Variants in MBNL2 observed in about 807,000 individuals in gnomAD.
The protein encoded by MBNL2 is muscleblind-like protein 2.
Under a neutral mutation model 41.9 loss-of-function variants are expected in MBNL2, and 17 were observed. The ratio of observed to expected loss-of-function variants is 0.41; its 90% CI spans 0.28 to 0.61. The LOEUF (loss-of-function observed/expected upper bound fraction) is 0.61, where lower values mean the gene tolerates loss of function less well. Among genes scored for constraint, MBNL2 ranks in the 20% least tolerant of loss-of-function variants. MBNL2 has a pLI of 0.35. For missense variants in MBNL2, 336 were observed against 505.6 expected (o/e 0.66, Z 3.22); for synonymous variants, 195 against 182.9 (o/e 1.07, Z -0.53).
chr13:97,344,048 C>T (rs1442025777), intron 4 of MBNL2, among the ~76,000 whole-genome samples: 5 of 152,190 alleles, frequency 3.3e-5, no homozygotes, highest in African/African-American at 4.8e-5. Context: ...TCAGGTGATC[C>T]GCCAGCCTCG....
rs965539237 is a variant in MBNL2 at position 97,346,148 on chromosome 13, TGGTA to T, written c.541-646_541-643del. ...CTGGCTGGATGGACGGATAGATAGATGGTAGGTAGGTAGATAGATGATAGATAAT... is the reference window on the plus strand; with the variant it reads ...CTGGCTGGATGGACGGATAGATAGATGGTAGGTAGATAGATGATAGATAAT... On this transcript the variant is annotated intron_variant, in intron 4 of 8. Coordinates refer to ENST00000679496, the MANE Select transcript of MBNL2 (RefSeq NM_001382683.1). This position sits in a 1 kb window ranked among gnomAD's most constrained non-coding sequence, Gnocchi z 4.2. Among the ~76,000 whole-genome samples, 5 of 151,882 alleles carry T rather than the reference TGGTA, an allele frequency of 3.3e-5. No homozygotes were observed. Among genetic ancestry groups the T allele is most frequent in the African/African-American group, 1.2e-4 (5 of 41,330 alleles).
chr13:97,166,876 C>G, the MBNL2 span, among the ~76,000 whole-genome samples: 1 of 140,604 alleles, frequency 7.1e-6, no homozygotes, highest in Non-Finnish European at 1.6e-5. Flanking sequence ...TTAGTTCTGT[C>G]CCTCTAGAGA....
At chr13:97,188,206 A>T in the MBNL2 span, among the ~76,000 whole-genome samples, 1 of 152,094 alleles carries the variant, frequency 6.6e-6, no homozygotes, top group Non-Finnish European at 1.5e-5. Flanking sequence ...AGGGGGTGTG[A>T]TCCCATCACC....
the MBNL2 span, among the ~76,000 whole-genome samples, chr13:97,156,373 T>C: frequency 6.8e-6 from 1 of 147,838 alleles, no homozygotes; most frequent in African/African-American, 2.5e-5. Flanking sequence ...GTAGTTTCTC[T>C]TGCTGTGCAG....
chr13:97,343,225 A>G lies in MBNL2; in HGVS notation c.540+9A>G. The G allele has an allele frequency of 6.3e-7, 1 of 1,582,058 alleles. No individual in the cohort carries two copies. Among genetic ancestry groups the G allele is most frequent in the Non-Finnish European group, 8.6e-7 (1 of 1,159,722 alleles). On this transcript the variant is annotated intron_variant, in intron 4 of 8. Transcript: ENST00000679496. Reference sequence around the variant, plus strand: ...GGACTGACAAACTGGAGGTACTTCAATTCTACTTGTGTTTTGACATGCATT... The same window carrying G: ...GGACTGACAAACTGGAGGTACTTCAGTTCTACTTGTGTTTTGACATGCATT...
upstream of MBNL2, among the ~76,000 whole-genome samples, chr13:97,218,440 C>CAAAACAAAAAAAA (rs55815508): frequency 8.5e-6 from 1 of 117,972 alleles, no homozygotes; most frequent in African/African-American, 3.4e-5. Flanking sequence ...CAAAACAAAA[C>CAAAACAAAAAAAA]AAAAAAAAAA....
the MBNL2 span, among the ~76,000 whole-genome samples, chr13:97,158,889 A>C: frequency 7.9e-5 from 12 of 151,226 alleles, no homozygotes; most frequent in Non-Finnish European, 1.3e-4. Flanking sequence ...TGGGGTGGAG[A>C]GTTCTGTAGA....
intron 1 of MBNL2, among the ~76,000 whole-genome samples, chr13:97,262,933 T>G (rs979819291): frequency 1.1e-4 from 17 of 151,986 alleles, no homozygotes; most frequent in African/African-American, 4.1e-4. Context: ...CAAGCTAATT[T>G]TTGCTTCTTT....
intron 2 of MBNL2, among the ~76,000 whole-genome samples, chr13:97,287,829 G>C (rs9516893): frequency 2.0e-5 from 3 of 146,574 alleles, no homozygotes; most frequent in Non-Finnish European, 3.0e-5. Context: ...GGGTTCAAGT[G>C]ATTCTCCTGC....
At chr13:97,237,743 T>C (rs2152802981) in intron 1 of MBNL2, among the ~76,000 whole-genome samples, 1 of 152,368 alleles carries the variant, frequency 6.6e-6, no homozygotes, top group East Asian at 1.9e-4. Context: ...TGCCACCCTA[T>C]GTATTTCAAA....
At chr13:97,224,913 A>G (rs907166957) in intron 1 of MBNL2, among the ~76,000 whole-genome samples, 14 of 152,268 alleles carry the variant, frequency 9.2e-5, no homozygotes, top group Admixed American at 2.6e-4. Context: ...TCTGCAAAGC[A>G]CACTATTCTG....
chr13:97,176,792 T>C, the MBNL2 span, among the ~76,000 whole-genome samples: 1 of 152,168 alleles, frequency 6.6e-6, no homozygotes, highest in African/African-American at 2.4e-5. Context: ...GTATATTATA[T>C]TTTTTCAATT....
chr13:97,335,255 C>A (rs1371983242), intron 3 of MBNL2, among the ~76,000 whole-genome samples: 1 of 150,696 alleles, frequency 6.6e-6, no homozygotes, highest in Non-Finnish European at 1.5e-5. Flanking sequence ...GTTTCATTTA[C>A]ATTTGTGAAT....
At chr13:97,173,402 T>C in the MBNL2 span, among the ~76,000 whole-genome samples, 1 of 152,228 alleles carries the variant, frequency 6.6e-6, no homozygotes, top group East Asian at 1.9e-4. Flanking sequence ...GTTCCCACTA[T>C]GCAGGAAGGA....
In MBNL2 at chr13:97,346,926, C is replaced by T; in HGVS notation, c.663C>T (p.Tyr221=). 1 of 1,614,152 alleles carries T rather than the reference C, an allele frequency of 6.2e-7. No individual in the cohort carries two copies. Among genetic ancestry groups the T allele is most frequent in the Non-Finnish European group, 8.5e-7 (1 of 1,179,978 alleles). Residue 221 remains tyrosine, a synonymous_variant, in exon 5 of 9, where the codon TAC becomes TAT. Transcript: ENST00000679496. The surrounding 1 kb of genome is among the most constrained non-coding windows in gnomAD (Gnocchi z 4.2). ...ACACCGTAACCGTTTGTATGGATTA[C>T]ATAAAGGGGCGTTGCATGAGGGAGA... The part of the protein sequence containing the change: ...SDNTVTVCMD[Y]IKGRCMREKC...
chr13:97,251,808 A>G (rs1167683454), intron 1 of MBNL2, among the ~76,000 whole-genome samples: 1 of 132,694 alleles, frequency 7.5e-6, no homozygotes, highest in East Asian at 2.3e-4. Flanking sequence ...TCCATGTGTG[A>G]TATTTATTAT....
At chr13:97,326,503 T>C (rs1467180090) in intron 2 of MBNL2, among the ~76,000 whole-genome samples, 2 of 152,246 alleles carry the variant, frequency 1.3e-5, no homozygotes, top group African/African-American at 4.8e-5. Context: ...AATTGTAATA[T>C]ATGTTGAACC....
chr13:97,230,801 G>A (rs1246004784), intron 1 of MBNL2, among the ~76,000 whole-genome samples: 1 of 152,170 alleles, frequency 6.6e-6, no homozygotes, highest in African/African-American at 2.4e-5. Flanking sequence ...CTCTGGCAAG[G>A]GTTTCTGGCT....
intron 2 of MBNL2, among the ~76,000 whole-genome samples, chr13:97,314,347 C>T (rs2058857089): frequency 6.6e-6 from 1 of 152,202 alleles, no homozygotes; most frequent in African/African-American, 2.4e-5. Flanking sequence ...TTTCTGCACA[C>T]ACACTTCCTG....
Sources: gnomAD v4.1 joint callset for allele counts (sites outside exome capture counted in the v4.1 genomes callset) on GRCh38, gnomAD v4.1.1 for gene constraint, Gnocchi (gnomAD v3.1) non-coding constraint, MANE v1.5 for transcripts, NCBI Gene and HGNC (gene_info 2026-07-23, HGNC 2026-07-21) for gene names.